FANCM: variants seen among roughly 807,000 people sequenced by gnomAD.
The protein encoded by FANCM is Fanconi anemia group M protein.
In FANCM, 140 loss-of-function variants were observed where a neutral mutation model predicts 199.5. That is an observed-to-expected ratio of 0.70 (90% CI 0.61 to 0.81). The LOEUF (loss-of-function observed/expected upper bound fraction) is 0.81, where lower values mean the gene tolerates loss of function less well. Ranked by LOEUF, FANCM falls within the 30% of genes least tolerant of loss-of-function variation. The pLI, the probability that FANCM is intolerant of heterozygous loss-of-function variation, is 0.00. For synonymous variants in FANCM, 840 were observed against 836.8 expected, an observed-to-expected ratio of 1.00 and a Z score of -0.07; for missense variants, 2,410 against 2,421.4, an observed-to-expected ratio of 1.00 and a Z score of 0.10.
Position 45,198,828 on chromosome 14 carries a change from T to C in FANCM, c.5901T>C (p.Ser1967=), listed in dbSNP as rs375558533. The C allele has an allele frequency of 1.9e-5, 31 of 1,613,458 alleles. No individual in the cohort carries two copies. The African/African-American group carries it at 3.1e-4, about 16-fold the overall frequency. The part of the protein sequence containing the change: ...VGIHVPTVVN[S]NKSEALQFYL... ...TTCATGTTCCAACAGTGGTGAATAGTAATAAAAGTGAGGCACTCCAGTTTT... is the reference window on the plus strand; with the variant it reads ...TTCATGTTCCAACAGTGGTGAATAGCAATAAAAGTGAGGCACTCCAGTTTT... Residue 1967 remains serine, a synonymous_variant, in exon 22 of 23, where the codon AGT becomes AGC. Coordinates refer to ENST00000267430, the MANE Select transcript of FANCM (RefSeq NM_020937.4).
chr14:45,161,228 T>C (rs1283201747), intron 9 of FANCM, among the ~76,000 whole-genome samples: 7 of 152,232 alleles, frequency 4.6e-5, no homozygotes, highest in Non-Finnish European at 1.0e-4. Context: ...TATGCCAAAG[T>C]AAAAACTTTT....
intron 21 of FANCM, 68 bp from the exon 22 acceptor site, chr14:45,198,576 A>C (rs1329818360): frequency 1.3e-5 from 12 of 920,892 alleles, no homozygotes; most frequent in African/African-American, 5.1e-5. Flanking sequence ...TAATAAAATA[A>C]AGTATATTAA....
At position 45,140,727 on chromosome 14, in the gene FANCM, C is replaced by A; in HGVS notation, c.759+18C>A. 1 of 1,463,128 alleles carries A rather than the reference C, an allele frequency of 6.8e-7. No homozygotes were observed. The highest frequency in any genetic ancestry group is 1.4e-5 in the African/African-American group (1 of 72,024). 90.6% of individuals were successfully genotyped at this position (1,463,128 alleles called of 1,614,324 possible). A position where few individuals can be genotyped will look rare whatever the true frequency, so the allele number is the denominator to read the frequency against. ...ATATAAAGGTAAGTAAAATGTTTTT[C>A]CATTTATTACAGTTAAGAAAATAAA... On this transcript the variant is annotated intron_variant, in intron 3 of 22. Transcript: ENST00000267430.
chr14:45,166,339 A>G (rs923605027), intron 10 of FANCM, among the ~76,000 whole-genome samples: 16 of 151,852 alleles, frequency 1.1e-4, no homozygotes, highest in Non-Finnish European at 1.5e-4. Context: ...AGGGTTCACC[A>G]TATTGGCGAG....
intron 19 of FANCM, 77 bp from the exon 20 acceptor site, chr14:45,188,725 A>G: frequency 7.5e-6 from 8 of 1,062,440 alleles, no homozygotes; most frequent in South Asian, 2.7e-5. Flanking sequence ...TGCAGATTTC[A>G]TGTGCCTAGA....
chr14:45,162,161 G>A (rs2139197526), intron 9 of FANCM, among the ~76,000 whole-genome samples: 1 of 152,274 alleles, frequency 6.6e-6, no homozygotes, highest in Admixed American at 6.5e-5. Context: ...CAAGGCAGGT[G>A]TATCATTTGA....
At chr14:45,158,489 A>T (rs1157606856) in intron 8 of FANCM, among the ~76,000 whole-genome samples, 3 of 145,762 alleles carry the variant, frequency 2.1e-5, no homozygotes, top group Non-Finnish European at 3.0e-5. Flanking sequence ...ACTGTAGGGT[A>T]TGTTCTGCAG....
chr14:45,171,509 A>C (rs1005717665), intron 12 of FANCM, among the ~76,000 whole-genome samples: 11 of 152,082 alleles, frequency 7.2e-5, no homozygotes, highest in African/African-American at 1.2e-4. Context: ...GACAGAGTCC[A>C]TTATATTATT....
chr14:45,170,647 A>G lies in FANCM; in HGVS notation c.2061A>G (p.Leu687=), dbSNP rs1888278347. The G allele has an allele frequency of 5.0e-6, 8 of 1,603,030 alleles. No homozygotes were observed. The East Asian group carries it at 1.8e-4, about 36-fold the overall frequency. Residue 687 remains leucine (L), a synonymous_variant, in exon 12 of 23, where the codon TTA becomes TTG. Transcript: ENST00000267430. The part of the protein sequence containing the change: ...DWFLSEEEFK[L]WNRLYRLRDS... ...TCTTATCAGAAGAAGAATTTAAATT[A>G]TGGAACAGACTTTATAGATTAAGGG...
At chr14:45,187,135 A>G (rs1889450022) in intron 18 of FANCM, among the ~76,000 whole-genome samples, 1 of 152,138 alleles carries the variant, frequency 6.6e-6, no homozygotes, top group African/African-American at 2.4e-5. Flanking sequence ...AGATGAAGCA[A>G]TTTAGATGGT....
chr14:45,177,037 T>C (rs538416127), intron 14 of FANCM, 61 bp downstream of exon 14: 1 of 1,116,136 alleles, frequency 9.0e-7, no homozygotes, highest in Non-Finnish European at 1.3e-6. Context: ...TAGAAATACT[T>C]TGGTAATTTT....
At chr14:45,169,280 CTGGATG>C (rs1388236904) in intron 11 of FANCM, among the ~76,000 whole-genome samples, 5 of 151,898 alleles carry the variant, frequency 3.3e-5, no homozygotes, top group African/African-American at 1.2e-4. Context: ...CTTAGAGTCT[CTGGATG>C]TCAGGTCTGA....
At chr14:45,183,525 A>G (rs996969747) in intron 16 of FANCM, among the ~76,000 whole-genome samples, 1 of 152,218 alleles carries the variant, frequency 6.6e-6, no homozygotes, top group African/African-American at 2.4e-5. Context: ...ATAAAAACTA[A>G]AAGTATGTTT....
rs183325040 is a variant in FANCM, at chr14:45,159,815, T to C, written c.1581+535T>C. ...GTAAGAGGACATTCGGTTTTCTAAGTGCTGTGATGTTTTGAGGGAAATTTT... is the reference window on the plus strand; with the variant it reads ...GTAAGAGGACATTCGGTTTTCTAAGCGCTGTGATGTTTTGAGGGAAATTTT... On this transcript the variant is annotated intron_variant, in intron 9 of 22. Coordinates refer to ENST00000267430, the MANE Select transcript of FANCM (RefSeq NM_020937.4). Among the ~76,000 whole-genome samples the C allele has an allele frequency of 6.5e-3, 991 of 152,236 alleles. 8 individuals carry two copies. Among genetic ancestry groups the C allele is most frequent in the African/African-American group, 0.023 (944 of 41,556 alleles).
chr14:45,168,960 C>T (rs1034132568), intron 11 of FANCM, among the ~76,000 whole-genome samples: 29 of 151,500 alleles, frequency 1.9e-4, no homozygotes, highest in Admixed American at 9.2e-4. Flanking sequence ...CTCGTGTTGT[C>T]GCCCAGGCTG....
chr14:45,142,429 C>A (rs1886042288), intron 3 of FANCM, among the ~76,000 whole-genome samples: 1 of 151,796 alleles, frequency 6.6e-6, no homozygotes, highest in East Asian at 1.9e-4. Flanking sequence ...GCCTCAGCCT[C>A]CTGAGTAGCT....
At chr14:45,146,030 G>T (rs1886348074) in intron 3 of FANCM, among the ~76,000 whole-genome samples, 1 of 143,214 alleles carries the variant, frequency 7.0e-6, no homozygotes, top group Non-Finnish European at 1.5e-5. Flanking sequence ...CTGCACTCCA[G>T]CCTGGGCCAC....
chr14:45,155,245 G>A, intron 7 of FANCM, 128 bp from the exon 8 acceptor site: 1 of 547,890 alleles, frequency 1.8e-6, no homozygotes, highest in Non-Finnish European at 3.3e-6. Flanking sequence ...GTTACCTCTG[G>A]TTTAAGTTTT....
At chr14:45,179,883 T>G (rs1450754436) in intron 14 of FANCM, among the ~76,000 whole-genome samples, 1 of 152,108 alleles carries the variant, frequency 6.6e-6, no homozygotes, top group Middle Eastern at 3.2e-3. Flanking sequence ...TCGTGCTAAC[T>G]GCAATGATGC....
Sources: allele counts gnomAD v4.1 joint callset (sites outside exome capture counted in the v4.1 genomes callset), GRCh38; gene constraint gnomAD v4.1.1; transcripts MANE v1.5; gene names NCBI Gene and HGNC (gene_info 2026-07-23, HGNC 2026-07-21).